STKLD1: variants seen among roughly 807,000 people sequenced by gnomAD.
STKLD1 encodes serine/threonine kinase like domain containing 1.
STKLD1 carries 79 observed loss-of-function variants against 80.4 expected under a neutral mutation model. The observed-to-expected ratio is 0.98, with a 90% CI of 0.82 to 1.19. STKLD1 has a LOEUF of 1.19. Among genes scored for constraint, STKLD1 ranks in the 50% most tolerant of loss-of-function variants. The pLI, the probability that STKLD1 is intolerant of heterozygous loss-of-function variation, is 0.00. For missense variants in STKLD1, 841 were observed against 856.0 expected (o/e 0.98, Z 0.22); for synonymous variants, 393 against 357.6 (o/e 1.10, Z -1.12).
chr9:133,394,154 G>C lies in STKLD1; in HGVS notation c.584-137G>C, dbSNP rs1302798548. On this transcript the variant is annotated intron_variant, in intron 7 of 17. Coordinates refer to ENST00000371957, the MANE Select transcript of STKLD1 (RefSeq NM_153710.5). This position sits in a 1 kb window ranked among gnomAD's most constrained non-coding sequence, Gnocchi z 4.9. Reference sequence around the variant, plus strand: ...ATATTCTCCACCTCTTCTGAGAAGAGGACCTGCAGGGCTTGTGTTTCAAGC... The same window carrying C: ...ATATTCTCCACCTCTTCTGAGAAGACGACCTGCAGGGCTTGTGTTTCAAGC... 5 of 685,588 alleles carry C rather than the reference G, an allele frequency of 7.3e-6. No homozygotes were observed. The highest frequency in any genetic ancestry group is 1.3e-5 in the Non-Finnish European group (5 of 375,114). 42.5% of individuals were successfully genotyped at this position (685,588 alleles called of 1,614,324 possible).
Position 133,405,315 on chromosome 9 carries a change from G to A in STKLD1, c.1937G>A (p.Arg646His), listed in dbSNP as rs782810949. Residue 646 changes from arginine (R) to histidine (H), a missense_variant, in exon 18 of 18, where the codon CGC becomes CAC. Arg to His is a conservative substitution (Grantham distance 29, BLOSUM62 0). Transcript: ENST00000371957. ...MKALLQEIKE[R>H]FTSSLVSDSS... ...GCCCTGCTCCAGGAGATCAAGGAGC[G>A]CTTCACCTCCAGCCTGGTGAGTGAC... 12 of 1,612,884 alleles carry A rather than the reference G, an allele frequency of 7.4e-6. No individual in the cohort carries two copies. The highest frequency in any genetic ancestry group is 6.6e-5 in the South Asian group (6 of 91,056).
At chr9:133,399,882 A>C (rs1351170191) in intron 11 of STKLD1, among the ~76,000 whole-genome samples, 3 of 149,006 alleles carry the variant, frequency 2.0e-5, no homozygotes, top group African/African-American at 7.6e-5. Context: ...CTGTTTCAAA[A>C]AAAAAAAAAA....
chr9:133,391,212 C>T (rs1013866587), intron 7 of STKLD1, among the ~76,000 whole-genome samples: 2 of 149,256 alleles, frequency 1.3e-5, no homozygotes, highest in African/African-American at 5.0e-5. Flanking sequence ...CCCGCCCAGA[C>T]AGCCGCCCTG....
In STKLD1 at chr9:133,391,991, G is replaced by A. The variant is rs2130290733; in HGVS notation, c.583+1195G>A. On this transcript the variant is annotated intron_variant, in intron 7 of 17. Transcript: ENST00000371957. The stretch of plus-strand genomic sequence containing the variant: ...CGAGTTCTCGTTCCTTTGAAAAGAT[G>A]GCCAGAGAAAGGGGGCTGGAGAGAT... Among the ~76,000 whole-genome samples the A allele has an allele frequency of 1.1e-4, 16 of 152,090 alleles. 1 individual carries two copies. The highest frequency in any genetic ancestry group is 9.8e-4 in the Admixed American group (15 of 15,290).
rs2130287074 is a variant in STKLD1 at position 133,390,700 on chromosome 9, A to G, written c.487A>G (p.Ile163Val). Residue 163 changes from isoleucine to valine, a missense_variant, in exon 7 of 18, where the codon ATC becomes GTC. Coordinates refer to ENST00000371957, the MANE Select transcript of STKLD1 (RefSeq NM_153710.5). This position sits in a 1 kb window ranked among gnomAD's most constrained non-coding sequence, Gnocchi z 5.1. The part of the protein sequence containing the change: ...IIHRNLKPSN[I>V]ILISSDHCKL... ...TTTCAGGAATCTCAAACCCTCCAACATCATCCTCATCAGCAGTGACCACTG... is the reference window on the plus strand; with the variant it reads ...TTTCAGGAATCTCAAACCCTCCAACGTCATCCTCATCAGCAGTGACCACTG... 1.9e-6 allele frequency: 3 copies of G among 1,613,646 alleles called. No individual in the cohort carries two copies. Among genetic ancestry groups the G allele is most frequent in the Admixed American group, 1.7e-5 (1 of 60,006 alleles).
chr9:133,385,807 G>A lies in STKLD1; in HGVS notation c.294+116G>A, dbSNP rs2119214919. ...TGTCAGAATAGCTCGTGTGGCAATG[G>A]CAGTGACTGTAAACGTGGCCACCCC... On this transcript the variant is annotated intron_variant, in intron 4 of 17. Transcript: ENST00000371957. This position sits in a 1 kb window ranked among gnomAD's most constrained non-coding sequence, Gnocchi z 4.9. The A allele has an allele frequency of 3.1e-6, 3 of 964,748 alleles. No individual in the cohort carries two copies. Among genetic ancestry groups the A allele is most frequent in the East Asian group, 4.9e-5 (2 of 40,578 alleles). 59.8% of individuals were successfully genotyped at this position (964,748 alleles called of 1,614,324 possible).
In STKLD1 at chr9:133,386,081, G is replaced by A. The variant is rs2130276635; in HGVS notation, c.294+390G>A. Among the ~76,000 whole-genome samples, 25 of 152,262 alleles carry A rather than the reference G, an allele frequency of 1.6e-4. No homozygotes were observed. In the Middle Eastern group the frequency reaches 0.014, roughly 83 times the overall value. ...TTACAGGCGCGTGCCATGATGCCCG[G>A]CTAATTTTTGTATTTTTAGTAGAGA... On this transcript the variant is annotated intron_variant, in intron 4 of 17. Transcript: ENST00000371957.
chr9:133,402,539 G>A (rs781986584), intron 13 of STKLD1, among the ~76,000 whole-genome samples: 48 of 152,354 alleles, frequency 3.2e-4, no homozygotes, highest in African/African-American at 1.0e-3. Context: ...TCATCCTACC[G>A]GGATAGGGCC....
chr9:133,390,696 C>T lies in STKLD1; in HGVS notation c.483C>T (p.Ser161=), dbSNP rs2130287045. The T allele has an allele frequency of 6.2e-7, 1 of 1,613,664 alleles. No individual in the cohort carries two copies. The highest frequency in any genetic ancestry group is 1.1e-5 in the South Asian group (1 of 91,056). Residue 161 remains serine (S), a synonymous_variant, in exon 7 of 18, where the codon TCC becomes TCT. Coordinates refer to ENST00000371957, the MANE Select transcript of STKLD1 (RefSeq NM_153710.5). The surrounding 1 kb of genome is among the most constrained non-coding windows in gnomAD (Gnocchi z 5.1). ...TTGGTTTCAGGAATCTCAAACCCTC[C>T]AACATCATCCTCATCAGCAGTGACC... ...LDIIHRNLKP[S]NIILISSDHC...
At chr9:133,395,075 G>A (rs116235331) in intron 8 of STKLD1, among the ~76,000 whole-genome samples, 1 of 152,146 alleles carries the variant, frequency 6.6e-6, no homozygotes, top group Non-Finnish European at 1.5e-5. Context: ...CCCCTTCTCC[G>A]CAGCACCACC....
intron 11 of STKLD1, among the ~76,000 whole-genome samples, chr9:133,399,776 G>A (rs2130683164): frequency 6.6e-6 from 1 of 152,100 alleles, no homozygotes; most frequent in East Asian, 1.9e-4. Context: ...CTACGCAGGA[G>A]GCTGAGGCAG....
Position 133,379,041 on chromosome 9 carries a change from G to C in STKLD1, c.93G>C (p.Leu31Phe). ...PGEPMEKYQV[L>F]YQLNPGALGV... ...TCTCTCTTCCTTGCTGATAGGTTTTGTACCAGCTGAATCCTGGGGCCTTGG... is the reference window on the plus strand; with the variant it reads ...TCTCTCTTCCTTGCTGATAGGTTTTCTACCAGCTGAATCCTGGGGCCTTGG... Residue 31 changes from leucine to phenylalanine, a missense_variant, in exon 2 of 18, where the codon TTG becomes TTC. By Grantham distance (22) the Leu-to-Phe change is conservative. Transcript: ENST00000371957. 6.2e-7 allele frequency: 1 copy of C among 1,613,748 alleles called. No individual in the cohort carries two copies. The highest frequency in any genetic ancestry group is 2.2e-5 in the East Asian group (1 of 44,872).
rs896254971 is a variant in STKLD1 at position 133,405,349 on chromosome 9, C to G, written c.1971C>G (p.Ala657=). Reference sequence around the variant, plus strand: ...CCAGCCTGGTGAGTGACAGCAGCGCCTTCAGCAAACCAGGCCTCCCTCCAG... The same window carrying G: ...CCAGCCTGGTGAGTGACAGCAGCGCGTTCAGCAAACCAGGCCTCCCTCCAG... The part of the protein sequence containing the change: ...FTSSLVSDSS[A]FSKPGLPPGG... The change falls in exon 18 of 18, where the codon GCC becomes GCG. Residue 657 remains alanine, a synonymous_variant. Coordinates refer to ENST00000371957, the MANE Select transcript of STKLD1 (RefSeq NM_153710.5). 1.2e-6 allele frequency: 2 copies of G among 1,612,716 alleles called. No homozygotes were observed. The highest frequency in any genetic ancestry group is 2.7e-5 in the African/African-American group (2 of 74,920).
At chr9:133,378,850 G>C (rs1460829701) in intron 1 of STKLD1, among the ~76,000 whole-genome samples, 186 bp from the exon 2 acceptor site, 1 of 152,244 alleles carries the variant, frequency 6.6e-6, no homozygotes, top group East Asian at 1.9e-4. Context: ...TGAGATCAGA[G>C]TTCTGCCATT....
chr9:133,390,565 G>C lies in STKLD1; in HGVS notation c.468-116G>C, dbSNP rs963625428. 4.2e-6 allele frequency: 3 copies of C among 717,112 alleles called. No individual in the cohort carries two copies. In the African/African-American group the frequency reaches 5.3e-5, roughly 13 times the overall value. 44.4% of individuals were successfully genotyped at this position (717,112 alleles called of 1,614,324 possible). A position where few individuals can be genotyped will look rare whatever the true frequency, so the allele number is the denominator to read the frequency against. On this transcript the variant is annotated intron_variant, in intron 6 of 17. Coordinates refer to ENST00000371957, the MANE Select transcript of STKLD1 (RefSeq NM_153710.5). This position sits in a 1 kb window ranked among gnomAD's most constrained non-coding sequence, Gnocchi z 5.1. ...TGGGCTGCTGCTGCAGAACCAGGTG[G>C]GGCAGGGAGCAGAGAGTCAGGCTCA...
chr9:133,402,936 G>T lies in STKLD1; in HGVS notation c.1398G>T (p.Glu466Asp). ...QNAGLLEHIL[E>D]HLNSSLESRD... The stretch of plus-strand genomic sequence containing the variant: ...CTGGGCTGCTGGAGCACATCCTGGA[G>T]CACCTCAACAGCTCCCTCGAAAGCA... The change falls in exon 14 of 18, where the codon GAG becomes GAT. Residue 466 changes from glutamate (E) to aspartate (D), a missense_variant. Physicochemically the swap from Glu to Asp is conservative, Grantham distance 45 (BLOSUM62 2). Transcript: ENST00000371957. The T allele has an allele frequency of 6.3e-7, 1 of 1,585,472 alleles. No homozygotes were observed. The highest frequency in any genetic ancestry group is 8.6e-7 in the Non-Finnish European group (1 of 1,166,154).
chr9:133,394,460 A>G lies in STKLD1; in HGVS notation c.702+51A>G, dbSNP rs1443316364. On this transcript the variant is annotated intron_variant, in intron 8 of 17. Coordinates refer to ENST00000371957, the MANE Select transcript of STKLD1 (RefSeq NM_153710.5). The surrounding 1 kb of genome is among the most constrained non-coding windows in gnomAD (Gnocchi z 4.9). ...CCCACATGCTGTTCCCCACGCGCCC[A>G]GGCCTGGGGAAAAGGCTTGGCCTCA... 2 of 1,299,670 alleles carry G rather than the reference A, an allele frequency of 1.5e-6. No homozygotes were observed. The highest frequency in any genetic ancestry group is 3.7e-5 in the African/African-American group (2 of 53,894). 80.5% of individuals were successfully genotyped at this position (1,299,670 alleles called of 1,614,324 possible).
At chr9:133,376,581 G>C (rs2130249714) in intron 1 of STKLD1, 21 bp downstream of exon 1, 1 of 1,564,082 alleles carries the variant, frequency 6.4e-7, no homozygotes. Context: ...TTCCCTGCGG[G>C]GAGGCGGGAG....
chr9:133,404,664 G>A, intron 16 of STKLD1, 125 bp from the exon 17 acceptor site: 2 of 1,373,556 alleles, frequency 1.5e-6, no homozygotes, highest in Non-Finnish European at 2.0e-6. Context: ...GGGGCCTCCT[G>A]GGTCCCGTCT....
Sources: gnomAD v4.1 joint callset for allele counts (sites outside exome capture counted in the v4.1 genomes callset) on GRCh38, gnomAD v4.1.1 for gene constraint, Gnocchi (gnomAD v3.1) non-coding constraint, MANE v1.5 for transcripts, NCBI Gene and HGNC (gene_info 2026-07-23, HGNC 2026-07-21) for gene names.